The following RSPO2 variants were observed in gnomAD, a reference collection of about 807,000 sequenced individuals.
RSPO2 encodes the protein R-spondin-2.
In RSPO2, 14 loss-of-function variants were observed where a neutral mutation model predicts 30.9. The ratio of observed to expected loss-of-function variants is 0.45; its 90% CI spans 0.30 to 0.71. The LOEUF is 0.71. RSPO2 is among the 30% of genes least tolerant of loss of function. The pLI is 0.08. For missense variants in RSPO2, 264 were observed against 301.9 expected (o/e 0.87, Z 0.93); for synonymous variants, 107 against 96.4 (o/e 1.11, Z -0.64).
In RSPO2 at chr8:107,912,486, CTTATCT is replaced by C. The variant is rs879633261; in HGVS notation, c.617-11302_617-11297del. Among the ~76,000 whole-genome samples the C allele has an allele frequency of 6.0e-5, 9 of 151,254 alleles. 1 individual carries two copies. The highest frequency in any genetic ancestry group is 5.9e-4 in the Admixed American group (9 of 15,222). ...TGGGTACACACCCAGGGGTAGGGCC[CTTATCT>C]TTATGTTCTGGCCAAGGTGGAGCAG... is the stretch of plus-strand genomic sequence containing the variant. On this transcript the variant is annotated intron_variant, in intron 5 of 5. Coordinates refer to ENST00000276659, the MANE Select transcript of RSPO2 (RefSeq NM_178565.5).
chr8:107,992,336 T>C (rs938975945), intron 2 of RSPO2, among the ~76,000 whole-genome samples: 2 of 152,230 alleles, frequency 1.3e-5, no homozygotes, highest in Middle Eastern at 6.8e-3. Context: ...TTTTCACTTA[T>C]AAGTGGGAGC....
At chr8:107,951,362 T>A (rs1028816953) in intron 5 of RSPO2, among the ~76,000 whole-genome samples, 2 of 152,104 alleles carry the variant, frequency 1.3e-5, no homozygotes, top group Non-Finnish European at 2.9e-5. Context: ...GAGAATAAGT[T>A]GTTCTAAAAA....
intron 3 of RSPO2, among the ~76,000 whole-genome samples, chr8:107,964,434 G>A (rs778250665): frequency 1.3e-5 from 2 of 152,088 alleles, no homozygotes; most frequent in Non-Finnish European, 2.9e-5. Flanking sequence ...AGTAGAGACG[G>A]GGTTTCACCA....
chr8:108,003,051 A>ATT (rs35346404), intron 2 of RSPO2, among the ~76,000 whole-genome samples: 8 of 136,358 alleles, frequency 5.9e-5, no homozygotes, highest in Admixed American at 1.5e-4. Context: ...GACCTCAATA[A>ATT]TTTTTTTTTT....
At chr8:107,903,833 G>A (rs993769077) in intron 5 of RSPO2, among the ~76,000 whole-genome samples, 14 of 151,894 alleles carry the variant, frequency 9.2e-5, no homozygotes, top group African/African-American at 2.7e-4. Flanking sequence ...TGCAAATACC[G>A]AGGAATTAAG....
chr8:107,973,374 TTTAAG>T (rs768222713), intron 3 of RSPO2, among the ~76,000 whole-genome samples: 7,036 of 152,192 alleles, frequency 0.046, 295 homozygotes, highest in African/African-American at 0.11. Context: ...TATTACATGG[TTTAAG>T]GTACAGTTGA....
intron 5 of RSPO2, among the ~76,000 whole-genome samples, chr8:107,942,360 C>T (rs944403371): frequency 1.3e-5 from 2 of 152,148 alleles, no homozygotes; most frequent in Non-Finnish European, 2.9e-5. Flanking sequence ...CTAATGCCCA[C>T]GCCTCTTGAA....
At chr8:107,935,240 G>C (rs925562000) in intron 5 of RSPO2, among the ~76,000 whole-genome samples, 7 of 152,064 alleles carry the variant, frequency 4.6e-5, no homozygotes, top group Non-Finnish European at 7.4e-5. Flanking sequence ...TTATACAGTT[G>C]CAGATAAAAA....
chr8:107,944,860 A>G (rs1379899359), intron 5 of RSPO2, among the ~76,000 whole-genome samples: 1 of 152,158 alleles, frequency 6.6e-6, no homozygotes, highest in African/African-American at 2.4e-5. Context: ...GTCAAAGAGA[A>G]AAACAAAAAA....
intron 5 of RSPO2, among the ~76,000 whole-genome samples, chr8:107,911,923 C>G (rs974675642): frequency 1.3e-5 from 2 of 152,098 alleles, no homozygotes; most frequent in Non-Finnish European, 2.9e-5. Context: ...AGCCTTCCTG[C>G]TCAATCCCAC....
At chr8:107,994,394 T>C (rs2130539170) in intron 2 of RSPO2, among the ~76,000 whole-genome samples, 2 of 152,252 alleles carry the variant, frequency 1.3e-5, no homozygotes, top group South Asian at 4.1e-4. Context: ...ATTTACTTTT[T>C]TTTTCCAAAC....
At position 108,083,429 on chromosome 8, in the gene RSPO2, C is replaced by T. The variant is rs1813280746; in HGVS notation, c.-402G>A. The T allele has an allele frequency of 6.6e-6, 1 of 152,258 alleles. No homozygotes were observed. The highest frequency in any genetic ancestry group is 6.5e-5 in the Admixed American group (1 of 15,290). 9.4% of individuals were successfully genotyped at this position (152,258 alleles called of 1,614,324 possible). On this transcript the variant is annotated 5_prime_UTR_variant, in exon 1 of 6. Transcript: ENST00000276659. ...CTCCGTCCCCGCCCGCGAGCGCGGT[C>T]CCCAGGCAAGGGGTGCGCCCGCTCA...
At chr8:107,923,812 G>A (rs189739748) in intron 5 of RSPO2, among the ~76,000 whole-genome samples, 1 of 152,126 alleles carries the variant, frequency 6.6e-6, no homozygotes, top group Non-Finnish European at 1.5e-5. Flanking sequence ...GATGCTGGAG[G>A]CCATTATCCT....
intron 5 of RSPO2, among the ~76,000 whole-genome samples, chr8:107,913,585 T>G: frequency 6.6e-6 from 1 of 152,190 alleles, no homozygotes; most frequent in Non-Finnish European, 1.5e-5. Context: ...TCTAACATGT[T>G]TGGCATACCT....
At chr8:107,905,660 C>G (rs943988391) in intron 5 of RSPO2, among the ~76,000 whole-genome samples, 1 of 151,992 alleles carries the variant, frequency 6.6e-6, no homozygotes, top group Non-Finnish European at 1.5e-5. Context: ...GTGTAACCAC[C>G]AACCTGGCAG....
intron 5 of RSPO2, among the ~76,000 whole-genome samples, chr8:107,918,316 T>C (rs1812041152): frequency 1.3e-5 from 2 of 152,224 alleles, no homozygotes; most frequent in Admixed American, 6.5e-5. Context: ...TCTCAATTTA[T>C]GGCGGTGTAG....
chr8:107,990,328 C>A (rs1029981833), intron 2 of RSPO2, among the ~76,000 whole-genome samples: 3 of 152,146 alleles, frequency 2.0e-5, no homozygotes, highest in Non-Finnish European at 4.4e-5. Flanking sequence ...ATAAAACACA[C>A]CTTAAAATGA....
At chr8:107,984,775 T>C (rs1167974163) in intron 3 of RSPO2, among the ~76,000 whole-genome samples, 1 of 152,182 alleles carries the variant, frequency 6.6e-6, no homozygotes, top group African/African-American at 2.4e-5. Flanking sequence ...TTTAAAAAAA[T>C]AGTGTTGCCA....
chr8:108,082,983 G>T lies in RSPO2; in HGVS notation c.-169-176C>A, dbSNP rs111559210. The T allele has an allele frequency of 3.0e-3, 814 of 272,624 alleles. 5 individuals carry two copies. The highest frequency in any genetic ancestry group is 0.017 in the African/African-American group (753 of 45,490). The allele number at this position is 272,624 out of a possible 1,614,324, so 16.9% of individuals were successfully genotyped here. ...AGCGGGCAGCTGCGGACGAGTTGGAGAGGAAGGTGATTATAATCAGTGAAT... is the reference window on the plus strand; with the variant it reads ...AGCGGGCAGCTGCGGACGAGTTGGATAGGAAGGTGATTATAATCAGTGAAT... On this transcript the variant is annotated intron_variant, in intron 1 of 5. Transcript: ENST00000276659.
Sources: allele counts gnomAD v4.1 joint callset (sites outside exome capture counted in the v4.1 genomes callset), GRCh38; gene constraint gnomAD v4.1.1; transcripts MANE v1.5; gene names NCBI Gene and HGNC (gene_info 2026-07-23, HGNC 2026-07-21).